Variants in ARAP2 observed in about 807,000 individuals in gnomAD.
ARAP2 encodes the protein ArfGAP with RhoGAP domain, ankyrin repeat and PH domain 2.
A neutral mutation model predicts 194.5 loss-of-function variants in ARAP2; 148 were observed. The ratio of observed to expected loss-of-function variants is 0.76; its 90% confidence interval spans 0.67 to 0.87. ARAP2 has a LOEUF of 0.87. Ranked by LOEUF, ARAP2 falls within the 40% of genes least tolerant of loss-of-function variation. ARAP2 has a pLI of 0.00. For missense variants in ARAP2, 2,128 were observed against 1,989.7 expected, an observed-to-expected ratio of 1.07 and a Z score of -1.32; for synonymous variants, 695 against 683.5, an observed-to-expected ratio of 1.02 and a Z score of -0.26.
intron 5 of ARAP2, among the ~76,000 whole-genome samples, chr4:36,211,935 C>T (rs1746846394): frequency 1.3e-5 from 2 of 152,006 alleles, no homozygotes; most frequent in Non-Finnish European, 2.9e-5. Flanking sequence ...GAAGTTGGTG[C>T]ATACAAATTC....
At chr4:36,212,279 G>T (rs1439381712) in intron 5 of ARAP2, 117 bp downstream of exon 5, 2 of 788,330 alleles carry the variant, frequency 2.5e-6, no homozygotes, top group Admixed American at 3.0e-5. Context: ...GGAAAAAATT[G>T]AACTTATCAC....
chr4:36,081,370 A>C (rs529952452), intron 30 of ARAP2, among the ~76,000 whole-genome samples: 2 of 152,312 alleles, frequency 1.3e-5, no homozygotes, highest in South Asian at 4.1e-4. Flanking sequence ...AAAAGTATGA[A>C]CAAAGGTTTA....
intron 22 of ARAP2, 28 bp downstream of exon 22, chr4:36,124,834 G>T: frequency 4.3e-6 from 6 of 1,396,140 alleles, no homozygotes; most frequent in Non-Finnish European, 6.0e-6. Flanking sequence ...TGTTTGAAAT[G>T]TCGAGAAAAG....
chr4:36,182,692 T>C (rs1343143951), intron 8 of ARAP2, among the ~76,000 whole-genome samples: 1 of 152,070 alleles, frequency 6.6e-6, no homozygotes, highest in East Asian at 1.9e-4. Flanking sequence ...TTGGTCAGGA[T>C]CTAAACACAT....
Position 36,222,249 on chromosome 4 carries a change from C to A in ARAP2, c.905+6333G>T, listed in dbSNP as rs115397138. 4.6e-3 allele frequency among the ~76,000 whole-genome samples: 702 copies of A among 152,050 alleles called. 8 individuals are homozygous for A. The highest frequency in any genetic ancestry group is 0.016 in the African/African-American group (669 of 41,514). On this transcript the variant is annotated intron_variant, in intron 2 of 32. Coordinates refer to ENST00000303965, the MANE Select transcript of ARAP2 (RefSeq NM_015230.4). ...AATGATTAATGAGATGATGCTTTTA[C>A]AGAACATAAGGCAGTGGCCTACATA...
chr4:36,162,953 C>G (rs1233284277), intron 11 of ARAP2, among the ~76,000 whole-genome samples: 3 of 151,964 alleles, frequency 2.0e-5, no homozygotes, highest in Non-Finnish European at 4.4e-5. Flanking sequence ...TGCTTTTGAC[C>G]AAGATTGAGA....
At position 36,128,503 on chromosome 4, in the gene ARAP2, C is replaced by T. The variant is rs201643991; in HGVS notation, c.3640+30G>A. 1.2e-4 allele frequency: 180 copies of T among 1,512,086 alleles called. No individual in the cohort carries two copies. The highest frequency in any genetic ancestry group is 3.9e-4 in the East Asian group (17 of 43,936). The allele number at this position is 1,512,086 out of a possible 1,614,324, so 93.7% of individuals were successfully genotyped here. A position where few individuals can be genotyped will look rare whatever the true frequency, so the allele number is the denominator to read the frequency against. ...ACACACACACACACACACACACACACATATCTACAAATATCTGTATAAATA... is the reference window on the plus strand; with the variant it reads ...ACACACACACACACACACACACACATATATCTACAAATATCTGTATAAATA... On this transcript the variant is annotated intron_variant, in intron 21 of 32. Transcript: ENST00000303965.
At chr4:36,198,581 G>T (rs1743676372) in intron 6 of ARAP2, among the ~76,000 whole-genome samples, 1 of 152,192 alleles carries the variant, frequency 6.6e-6, no homozygotes, top group African/African-American at 2.4e-5. Context: ...TCCCTCCCAT[G>T]CTCATCAGGA....
At chr4:36,087,580 G>A (rs576249188) in intron 28 of ARAP2, among the ~76,000 whole-genome samples, 1 of 151,972 alleles carries the variant, frequency 6.6e-6, no homozygotes, top group African/African-American at 2.4e-5. Context: ...CTCTGTTAAG[G>A]GATATGAGAC....
chr4:36,170,580 T>C (rs1036524505), intron 9 of ARAP2, among the ~76,000 whole-genome samples: 1 of 152,222 alleles, frequency 6.6e-6, no homozygotes, highest in Admixed American at 6.5e-5. Context: ...AGATCCTATT[T>C]GTCCTGGGTG....
intron 15 of ARAP2, 86 bp downstream of exon 15, chr4:36,158,644 C>A: frequency 8.3e-7 from 1 of 1,211,818 alleles, no homozygotes. Context: ...TCTAACATCT[C>A]AAAAAAATCA....
intron 5 of ARAP2, among the ~76,000 whole-genome samples, chr4:36,021,283 G>T (rs895919413): frequency 1.3e-5 from 2 of 152,074 alleles, no homozygotes; most frequent in African/African-American, 4.8e-5. Context: ...TAAAAATAAA[G>T]CATAATTTTT....
intron 2 of ARAP2, among the ~76,000 whole-genome samples, chr4:36,223,314 ATTAAC>A (rs1177235297): frequency 6.6e-6 from 1 of 152,178 alleles, no homozygotes; most frequent in African/African-American, 2.4e-5. Context: ...TCTGATTCAT[ATTAAC>A]TTGCTAAATG....
chr4:36,013,568 G>A (rs183836911), intron 8 of ARAP2, among the ~76,000 whole-genome samples: 8 of 152,274 alleles, frequency 5.3e-5, no homozygotes, highest in Admixed American at 1.3e-4. Flanking sequence ...AGAAAGTAGC[G>A]TATATGGATT....
chr4:36,012,846 C>CTGTAT (rs1323967179), intron 8 of ARAP2: 3 of 152,146 alleles, frequency 2.0e-5, no homozygotes, highest in African/African-American at 7.2e-5. Context: ...GGAAGACATA[C>CTGTAT]ATTTTTCAAG....
intron 1 of ARAP2, among the ~76,000 whole-genome samples, chr4:36,239,157 T>C (rs1753021764): frequency 6.6e-6 from 1 of 151,804 alleles, no homozygotes; most frequent in South Asian, 2.1e-4. Flanking sequence ...ACACCTGTAA[T>C]CCCAGCTACT....
intron 15 of ARAP2, among the ~76,000 whole-genome samples, chr4:36,158,300 C>T (rs1449623266): frequency 1.3e-5 from 2 of 151,106 alleles, no homozygotes. Flanking sequence ...CACTTTTCAT[C>T]AGAAAAAAAA....
At chr4:36,162,915 G>T (rs1453432227) in intron 11 of ARAP2, among the ~76,000 whole-genome samples, 1 of 152,148 alleles carries the variant, frequency 6.6e-6, no homozygotes, top group Non-Finnish European at 1.5e-5. Flanking sequence ...TCAGATTTTA[G>T]GCTTTGAGTG....
Position 36,167,023 on chromosome 4 carries a change from T to C in ARAP2, c.1882A>G (p.Thr628Ala). 1 of 1,591,552 alleles carries C rather than the reference T, an allele frequency of 6.3e-7. No homozygotes were observed. The change falls in exon 10 of 33, where the codon ACC becomes GCC. Residue 628 changes from threonine (T) to alanine (A), a missense_variant. Coordinates refer to ENST00000303965, the MANE Select transcript of ARAP2 (RefSeq NM_015230.4). ...TTTGCTACATTCATAGGAATTATGG[T>C]AATACCAAGTCCACTCTTAAAATCC... ...EQDFKSGLGITIIPMNVANVK... is the reference protein window; with the variant it reads ...EQDFKSGLGIAIIPMNVANVK...
Sources: gnomAD v4.1 joint callset for allele counts (sites outside exome capture counted in the v4.1 genomes callset) on GRCh38, gnomAD v4.1.1 for gene constraint, MANE v1.5 for transcripts, NCBI Gene and HGNC (gene_info 2026-07-23, HGNC 2026-07-21) for gene names.